Variants in RORA observed in about 807,000 individuals in gnomAD.
RORA encodes RAR related orphan receptor A, also known as nuclear receptor ROR-alpha.
A neutral mutation model predicts 69.5 loss-of-function variants in RORA; 7 were observed. The observed-to-expected ratio is 0.10, with a 90% CI of 0.06 to 0.19. RORA has a LOEUF of 0.19. Ranked by LOEUF, RORA falls within the 10% of genes least tolerant of loss-of-function variation. RORA has a pLI of 1.00. For synonymous variants in RORA, 261 were observed against 240.8 expected, an observed-to-expected ratio of 1.08 and a Z score of -0.78; for missense variants, 457 against 663.0, an observed-to-expected ratio of 0.69 and a Z score of 3.41.
intron 1 of RORA, among the ~76,000 whole-genome samples, chr15:61,085,236 T>G (rs1396809390): frequency 6.6e-6 from 1 of 152,198 alleles, no homozygotes; most frequent in African/African-American, 2.4e-5. Flanking sequence ...AAGTCGTCAC[T>G]CTTTCTGAGG....
intron 1 of RORA, among the ~76,000 whole-genome samples, chr15:60,725,877 G>C (rs922286166): frequency 6.6e-6 from 1 of 152,186 alleles, no homozygotes; most frequent in Non-Finnish European, 1.5e-5. Flanking sequence ...AGGCCATATA[G>C]AGCAGTCTTC....
intron 1 of RORA, among the ~76,000 whole-genome samples, chr15:60,980,999 G>A (rs1274202684): frequency 6.6e-6 from 1 of 151,820 alleles, no homozygotes; most frequent in Non-Finnish European, 1.5e-5. Context: ...AGGTGTCATA[G>A]TGACAAACTA....
chr15:60,819,769 A>ACACACACACGCG (rs1555455777), intron 1 of RORA, among the ~76,000 whole-genome samples: 25 of 150,016 alleles, frequency 1.7e-4, no homozygotes, highest in Non-Finnish European at 2.5e-4. Flanking sequence ...ACACACACAC[A>ACACACACACGCG]CACACACACA....
At chr15:61,157,503 C>A (rs181375537) in intron 1 of RORA, among the ~76,000 whole-genome samples, 139 of 152,262 alleles carry the variant, frequency 9.1e-4, no homozygotes, top group African/African-American at 3.2e-3. Flanking sequence ...GGTATTTGCA[C>A]TACACAGATA....
At chr15:60,909,184 A>C (rs549190615) in intron 1 of RORA, among the ~76,000 whole-genome samples, 1 of 152,274 alleles carries the variant, frequency 6.6e-6, no homozygotes, top group African/African-American at 2.4e-5. Context: ...TCTCCACCCC[A>C]AATATTCAGA....
At chr15:61,202,009 CTTTT>C (rs71861160) in intron 1 of RORA, among the ~76,000 whole-genome samples, 153 of 123,718 alleles carry the variant, frequency 1.2e-3, no homozygotes, top group African/African-American at 3.8e-3. Context: ...CCTGCTTGAT[CTTTT>C]TTTTTTTTTT....
chr15:61,120,116 A>G (rs933570655), intron 1 of RORA, among the ~76,000 whole-genome samples: 1 of 152,184 alleles, frequency 6.6e-6, no homozygotes, highest in Non-Finnish European at 1.5e-5. Context: ...CTGGCTGCCC[A>G]TTAGAATCAT....
In RORA at chr15:60,613,451, G is replaced by A. The variant is rs340017; in HGVS notation, c.196+65206C>T. 5.4e-3 allele frequency among the ~76,000 whole-genome samples: 815 copies of A among 152,146 alleles called. 9 individuals are homozygous for A. Among genetic ancestry groups the A allele is most frequent in the African/African-American group, 0.019 (775 of 41,496 alleles). ...ATCCAGCTTTGAATCTTGTCCTGTC[G>A]CTTGTCAGTTGGGCAGGGAACTTCA... is the stretch of plus-strand genomic sequence containing the variant. On this transcript the variant is annotated intron_variant, in intron 2 of 10. Transcript: ENST00000335670.
chr15:60,500,086 A>G (rs1439808197), intron 9 of RORA, 82 bp from the exon 10 acceptor site: 4 of 815,348 alleles, frequency 4.9e-6, no homozygotes, highest in Non-Finnish European at 6.0e-6. Context: ...TTTGATACGG[A>G]TAATTATATC....
In RORA at chr15:61,148,550, C is replaced by T. The variant is rs1436107803; in HGVS notation, c.166+80503G>A. ...CAGTAGATCCACTCCTATCAAGTAG[C>T]AATAAAATACCTAATCAATAAATTA... On this transcript the variant is annotated intron_variant, in intron 1 of 10. Coordinates refer to ENST00000335670, the MANE Select transcript of RORA (RefSeq NM_134261.3). Among the ~76,000 whole-genome samples the T allele has an allele frequency of 2.0e-5, 3 of 152,198 alleles. No individual in the cohort carries two copies. In the East Asian group the frequency reaches 5.8e-4, roughly 30 times the overall value.
intron 1 of RORA, among the ~76,000 whole-genome samples, chr15:60,714,427 C>T (rs145847883): frequency 0.023 from 3,477 of 149,542 alleles, 55 homozygotes; most frequent in Middle Eastern, 0.066. Flanking sequence ...GTCAATGGTG[C>T]AATCTTGGCT....
intron 2 of RORA, among the ~76,000 whole-genome samples, chr15:60,539,013 A>ACACACACT (rs1476112433): frequency 6.6e-6 from 1 of 152,052 alleles, no homozygotes; most frequent in Non-Finnish European, 1.5e-5. Context: ...ACACACACAC[A>ACACACACT]CACACACACA....
intron 1 of RORA, among the ~76,000 whole-genome samples, chr15:60,974,664 C>T (rs368469774): frequency 3.9e-5 from 6 of 152,136 alleles, no homozygotes; most frequent in African/African-American, 1.2e-4. Flanking sequence ...TCCTTGTAAG[C>T]GGACAGGTAT....
intron 1 of RORA, among the ~76,000 whole-genome samples, chr15:60,773,450 C>G (rs149962470): frequency 6.6e-6 from 1 of 152,020 alleles, no homozygotes; most frequent in Non-Finnish European, 1.5e-5. Flanking sequence ...TAATTTCTTA[C>G]GCAATCACAG....
chr15:60,750,841 C>T (rs1033337455), intron 1 of RORA, among the ~76,000 whole-genome samples: 4 of 152,168 alleles, frequency 2.6e-5, no homozygotes, highest in Non-Finnish European at 5.9e-5. Flanking sequence ...GCCATGCATG[C>T]TTCATAGACA....
chr15:61,206,949 G>T (rs1489408847), intron 1 of RORA, among the ~76,000 whole-genome samples: 2 of 152,140 alleles, frequency 1.3e-5, no homozygotes, highest in African/African-American at 2.4e-5. Flanking sequence ...ACAGTCTAAC[G>T]CCTAAATTCC....
chr15:60,833,905 C>T (rs2073081103), intron 1 of RORA, among the ~76,000 whole-genome samples: 1 of 152,168 alleles, frequency 6.6e-6, no homozygotes, highest in African/African-American at 2.4e-5. Flanking sequence ...GTGATTATAA[C>T]TCCTCTGCCT....
rs543353825 is a variant in RORA at position 60,978,961 on chromosome 15, C to CTTTTTTTTTTTTTTTTTTT, written c.166+250091_166+250092insAAAAAAAAAAAAAAAAAAA. 3.2e-4 allele frequency among the ~76,000 whole-genome samples: 30 copies of CTTTTTTTTTTTTTTTTTTT among 95,146 alleles called. 6 individuals are homozygous for CTTTTTTTTTTTTTTTTTTT. Among genetic ancestry groups the CTTTTTTTTTTTTTTTTTTT allele is most frequent in the African/African-American group, 9.8e-4 (24 of 24,436 alleles). 62.4% of individuals were successfully genotyped at this position (95,146 alleles called of 152,430 possible). Reference sequence around the variant, plus strand: ...GAAGTGTGAGTCCTCCAACTTTGCTCTTTTTTTTTTTTTTTTTTGAGACGG... The same window carrying CTTTTTTTTTTTTTTTTTTT: ...GAAGTGTGAGTCCTCCAACTTTGCTCTTTTTTTTTTTTTTTTTTTTTTTTTTTTTTTTTTTTTGAGACGG... On this transcript the variant is annotated intron_variant, in intron 1 of 10. Transcript: ENST00000335670.
At chr15:60,920,925 T>TATGA (rs1049008816) in intron 1 of RORA, among the ~76,000 whole-genome samples, 29 of 152,220 alleles carry the variant, frequency 1.9e-4, no homozygotes, top group Non-Finnish European at 3.8e-4. Flanking sequence ...AAGGAAGATT[T>TATGA]ATGAAGCCTT....
Sources: gnomAD v4.1 joint callset for allele counts (sites outside exome capture counted in the v4.1 genomes callset) on GRCh38, gnomAD v4.1.1 for gene constraint, MANE v1.5 for transcripts, NCBI Gene and HGNC (gene_info 2026-07-23, HGNC 2026-07-21) for gene names.